CDKL4: variants seen among roughly 807,000 people sequenced by gnomAD.
The protein encoded by CDKL4 is cyclin dependent kinase like 4.
Under a neutral mutation model 42.0 loss-of-function variants are expected in CDKL4, and 44 were observed. That is an observed-to-expected ratio of 1.05 (90% CI 0.82 to 1.35). The LOEUF is 1.35. CDKL4 is among the 40% of genes most tolerant of loss of function. The pLI is 0.00. For synonymous variants in CDKL4, 120 were observed against 121.6 expected (o/e 0.99, Z 0.09); for missense variants, 393 against 369.9 (o/e 1.06, Z -0.51).
intron 1 of CDKL4, among the ~76,000 whole-genome samples, chr2:39,231,752 AG>A (rs1374574247): frequency 2.0e-5 from 3 of 152,218 alleles, no homozygotes; most frequent in Non-Finnish European, 2.9e-5. Flanking sequence ...AATTTGCTTT[AG>A]AAAGTTATTG....
intron 3 of CDKL4, among the ~76,000 whole-genome samples, chr2:39,214,093 T>C (rs1677762219): frequency 1.3e-5 from 2 of 152,090 alleles, no homozygotes; most frequent in South Asian, 4.1e-4. Context: ...CGGCTAATTT[T>C]TGTATTTTTA....
At chr2:39,239,443 A>G (rs1265982157) in intron 1 of CDKL4, among the ~76,000 whole-genome samples, 1 of 152,224 alleles carries the variant, frequency 6.6e-6, no homozygotes, top group East Asian at 1.9e-4. Flanking sequence ...AAAGAAAAAT[A>G]TTAGCAAATC....
At chr2:39,206,179 G>A (rs1163654820) in intron 4 of CDKL4, among the ~76,000 whole-genome samples, 3 of 151,832 alleles carry the variant, frequency 2.0e-5, no homozygotes, top group South Asian at 2.1e-4. Context: ...TCAGCCTCCC[G>A]AGTGGCTGGG....
At chr2:39,187,039 C>A (rs1289961786) in intron 7 of CDKL4, among the ~76,000 whole-genome samples, 1 of 152,124 alleles carries the variant, frequency 6.6e-6, no homozygotes, top group African/African-American at 2.4e-5. Flanking sequence ...ATTATAACCC[C>A]ATGTGTGGAG....
chr2:39,237,017 G>T (rs1679410133), intron 1 of CDKL4, among the ~76,000 whole-genome samples: 1 of 152,084 alleles, frequency 6.6e-6, no homozygotes, highest in Non-Finnish European at 1.5e-5. Flanking sequence ...AGAAGAGGAG[G>T]GAACATGTCT....
chr2:39,176,896 T>G (rs1359044664), intron 9 of CDKL4, among the ~76,000 whole-genome samples: 3 of 152,220 alleles, frequency 2.0e-5, no homozygotes, highest in Non-Finnish European at 2.9e-5. Flanking sequence ...GATTCAGGTG[T>G]GTCTTCTGAA....
intron 1 of CDKL4, among the ~76,000 whole-genome samples, chr2:39,232,975 G>A (rs2148399515): frequency 6.7e-6 from 1 of 149,298 alleles, no homozygotes; most frequent in Admixed American, 6.7e-5. Flanking sequence ...AACCCAGGAG[G>A]CGGAGGTTGC....
intron 2 of CDKL4, among the ~76,000 whole-genome samples, chr2:39,227,314 A>C (rs1338921696): frequency 6.6e-6 from 1 of 152,244 alleles, no homozygotes; most frequent in Non-Finnish European, 1.5e-5. Context: ...TAGAAGCTCA[A>C]CAAATAACAG....
chr2:39,191,800 G>T (rs751053736), intron 5 of CDKL4, among the ~76,000 whole-genome samples: 18 of 152,210 alleles, frequency 1.2e-4, no homozygotes, highest in Non-Finnish European at 2.1e-4. Context: ...GTGGGTGGAA[G>T]CCAATCCCAG....
chr2:39,215,744 G>C (rs2148358721), intron 3 of CDKL4, among the ~76,000 whole-genome samples: 1 of 152,340 alleles, frequency 6.6e-6, no homozygotes, highest in Non-Finnish European at 1.5e-5. Context: ...GAAACAGCAA[G>C]TGATGTACAC....
chr2:39,213,614 A>G, intron 3 of CDKL4, 142 bp from the exon 4 acceptor site: 2 of 451,614 alleles, frequency 4.4e-6, no homozygotes, highest in Non-Finnish European at 8.1e-6. Flanking sequence ...TATTTTAGTG[A>G]AAATTGGGCT....
chr2:39,171,824 T>A (rs936919562), downstream of CDKL4, among the ~76,000 whole-genome samples: 1 of 152,152 alleles, frequency 6.6e-6, no homozygotes, highest in African/African-American at 2.4e-5. Context: ...GCGGCGTCAC[T>A]CACCATGATG....
intron 5 of CDKL4, among the ~76,000 whole-genome samples, chr2:39,195,636 A>C (rs1420829800): frequency 6.7e-6 from 1 of 148,800 alleles, no homozygotes; most frequent in Non-Finnish European, 1.5e-5. Context: ...TTACATTTTT[A>C]ATTAATTTTT....
intron 5 of CDKL4, among the ~76,000 whole-genome samples, chr2:39,204,078 C>G (rs1032007165): frequency 1.3e-5 from 2 of 152,194 alleles, no homozygotes; most frequent in Non-Finnish European, 2.9e-5. Context: ...TTAGCACTCT[C>G]TCTGAATCCT....
At chr2:39,198,015 A>G (rs1676623137) in intron 5 of CDKL4, among the ~76,000 whole-genome samples, 1 of 152,200 alleles carries the variant, frequency 6.6e-6, no homozygotes, top group South Asian at 2.1e-4. Context: ...TAAATGGCTT[A>G]AATGGTCCAC....
chr2:39,178,097 A>G lies in CDKL4; in HGVS notation c.927+1090T>C, dbSNP rs115708281. On this transcript the variant is annotated intron_variant, in intron 9 of 9. Transcript: ENST00000451199. ...TTGTTGTTATTTAAGTATAAGCTGC[A>G]TTGGGCTTGATTTGCAAACATTTAA... Among the ~76,000 whole-genome samples the G allele has an allele frequency of 8.7e-3, 1,319 of 152,344 alleles. 22 individuals carry two copies. Among genetic ancestry groups the G allele is most frequent in the African/African-American group, 0.03 (1,266 of 41,578 alleles).
downstream of CDKL4, among the ~76,000 whole-genome samples, chr2:39,171,710 A>G (rs1675003696): frequency 3.3e-5 from 5 of 152,218 alleles, no homozygotes; most frequent in South Asian, 1.0e-3. Context: ...AAAACAAACA[A>G]ACAAAAAACT....
intron 3 of CDKL4, among the ~76,000 whole-genome samples, chr2:39,225,202 C>T (rs1477539063): frequency 6.6e-6 from 1 of 151,970 alleles, no homozygotes; most frequent in African/African-American, 2.4e-5. Flanking sequence ...GAGTTCAAGA[C>T]CAGCCTGGCC....
chr2:39,234,897 T>A (rs1453929252), intron 1 of CDKL4, among the ~76,000 whole-genome samples: 1 of 152,108 alleles, frequency 6.6e-6, no homozygotes, highest in East Asian at 1.9e-4. Context: ...AAAAATTTTT[T>A]TTTTTTTTTG....
Sources: gnomAD v4.1 joint callset for allele counts (sites outside exome capture counted in the v4.1 genomes callset) on GRCh38, gnomAD v4.1.1 for gene constraint, MANE v1.5 for transcripts, NCBI Gene and HGNC (gene_info 2026-07-23, HGNC 2026-07-21) for gene names.